The following ZNF404 variants were observed in gnomAD, a reference collection of about 807,000 sequenced individuals.
ZNF404 encodes zinc finger protein 404.
Under a neutral mutation model 7.3 loss-of-function variants are expected in ZNF404, and 7 were observed. The ratio of observed to expected loss-of-function variants is 0.95; its 90% CI spans 0.54 to 1.79. The LOEUF (loss-of-function observed/expected upper bound fraction) is 1.79. ZNF404 is among the 40% of genes most tolerant of loss of function. The pLI, the probability that ZNF404 is intolerant of heterozygous loss-of-function variation, is 0.00. For missense variants in ZNF404, 560 were observed against 661.5 expected (o/e 0.85, Z 1.68); for synonymous variants, 191 against 209.9 (o/e 0.91, Z 0.78).
intron 1 of ZNF404, among the ~76,000 whole-genome samples, chr19:43,883,529 TCAAA>T (rs138282596): frequency 1.3e-5 from 2 of 152,282 alleles, no homozygotes; most frequent in East Asian, 3.9e-4. Context: ...AGATCTCATC[TCAAA>T]CAGACTGAGA....
At chr19:43,882,870 G>A (rs1971908146) in intron 1 of ZNF404, among the ~76,000 whole-genome samples, 1 of 151,994 alleles carries the variant, frequency 6.6e-6, no homozygotes, top group African/African-American at 2.4e-5. Flanking sequence ...AAAGGCTGAG[G>A]TGGGCAGATC....
At position 43,883,961 on chromosome 19, in the gene ZNF404, C is replaced by T; in HGVS notation, c.4G>A (p.Ala2Thr). 6.3e-7 allele frequency: 1 copy of T among 1,599,238 alleles called. No homozygotes were observed. The highest frequency in any genetic ancestry group is 1.1e-5 in the South Asian group (1 of 91,044). ...CAAAAGAGACATCAACTCACCCGGGCCATGGTTTCAGAAATGCTAGTTCTC... is the reference window on the plus strand; with the variant it reads ...CAAAAGAGACATCAACTCACCCGGGTCATGGTTTCAGAAATGCTAGTTCTC... M[A>T]RVPLTFSDVA... Residue 2 changes from alanine to threonine, a missense_variant, in exon 1 of 3, where the codon GCC becomes ACC. Coordinates refer to ENST00000587539, the MANE Select transcript of ZNF404 (RefSeq NM_001033719.3).
In ZNF404 at chr19:43,872,879, T is replaced by C. The variant is rs779090814; in HGVS notation, c.1335A>G (p.Gly445=). 10 of 1,607,526 alleles carry C rather than the reference T, an allele frequency of 6.2e-6. No homozygotes were observed. In the African/African-American group the frequency reaches 1.3e-4, roughly 21 times the overall value. The part of the protein sequence containing the change: ...GEKPYECKEC[G]KTFRLNSQLI... ...GTTGAGAATTAAGTCTAAAGGTTTT[T>C]CCACATTCCTTACATTCATAGGGTT... The change falls in exon 3 of 3, where the codon GGA becomes GGG. Residue 445 remains glycine (G), a synonymous_variant. Coordinates refer to ENST00000587539, the MANE Select transcript of ZNF404 (RefSeq NM_001033719.3). The surrounding 1 kb of genome is among the most constrained non-coding windows in gnomAD (Gnocchi z 4.4).
chr19:43,874,584 A>C lies in ZNF404; in HGVS notation c.137-507T>G, dbSNP rs189786873. ...ATATCTGCTCCCTATATTGTACCACATTGCATCTTTTCAGCTGTGAGAACA... is the reference window on the plus strand; with the variant it reads ...ATATCTGCTCCCTATATTGTACCACCTTGCATCTTTTCAGCTGTGAGAACA... On this transcript the variant is annotated intron_variant, in intron 2 of 2. Transcript: ENST00000587539. Among the ~76,000 whole-genome samples, 257 of 152,246 alleles carry C rather than the reference A, an allele frequency of 1.7e-3. 3 individuals are homozygous for C. Among genetic ancestry groups the C allele is most frequent in the Non-Finnish European group, 5.9e-4 (40 of 67,976 alleles).
chr19:43,877,689 C>T (rs1029238921), intron 2 of ZNF404, among the ~76,000 whole-genome samples: 2 of 146,076 alleles, frequency 1.4e-5, no homozygotes, highest in African/African-American at 5.0e-5. Flanking sequence ...CCCACTAACT[C>T]GTCATCTAGC....
In ZNF404 at chr19:43,873,587, A is replaced by G. The variant is rs373038530; in HGVS notation, c.627T>C (p.His209=). The G allele has an allele frequency of 5.1e-4, 819 of 1,613,680 alleles. 1 individual carries two copies. The highest frequency in any genetic ancestry group is 9.9e-4 in the Middle Eastern group (6 of 6,060). ...TACATTCATAGGGTTTCATACCAGT[A>G]TGAATTATCTGATGCTGAATAAGCT... ...YSQLIQHQII[H]TGMKPYECKQ... is the part of the protein sequence containing the mutation. The change falls in exon 3 of 3, where the codon CAT becomes CAC. Residue 209 remains histidine (H), a synonymous_variant. Transcript: ENST00000587539.
At position 43,873,512 on chromosome 19, in the gene ZNF404, C is replaced by A. The variant is rs1971828507; in HGVS notation, c.702G>T (p.Gln234His). The part of the protein sequence containing the change: ...FRRHSHLTEH[Q>H]KIHVGLKPFE... ...AGGGTTTCAAGCCAACATGAATTTT[C>A]TGATGTTCTGTAAGGTGAGAATGAC... The change falls in exon 3 of 3, where the codon CAG (glutamine) becomes CAT (histidine). Residue 234 changes from glutamine to histidine, a missense_variant. By Grantham distance (24) the Gln-to-His change is conservative (BLOSUM62 0). Transcript: ENST00000587539. The A allele has an allele frequency of 6.2e-7, 1 of 1,613,308 alleles. No homozygotes were observed. The highest frequency in any genetic ancestry group is 1.3e-5 in the African/African-American group (1 of 74,874).
chr19:43,872,756 CTTA>C lies in ZNF404; in HGVS notation c.1455_1457del (p.His485_Lys486delinsGln). The C allele has an allele frequency of 6.2e-7, 1 of 1,612,638 alleles. No individual in the cohort carries two copies. Among genetic ancestry groups the C allele is most frequent in the Non-Finnish European group, 8.5e-7 (1 of 1,179,260 alleles). ...AGGGTTTTTCACCAGTATGAATTCT[CTTA>C]TGTTGAGAAAGACCTGAGATAGAAC... On this transcript the variant is annotated inframe_deletion, in exon 3 of 3. Coordinates refer to ENST00000587539, the MANE Select transcript of ZNF404 (RefSeq NM_001033719.3). This position sits in a 1 kb window ranked among gnomAD's most constrained non-coding sequence, Gnocchi z 4.4.
intron 2 of ZNF404, 88 bp from the exon 3 acceptor site, chr19:43,874,165 A>G: frequency 1.1e-6 from 1 of 927,240 alleles, no homozygotes. Context: ...GTGATAAACT[A>G]AAAAGTGTAT....
At position 43,873,863 on chromosome 19, in the gene ZNF404, G is replaced by C. The variant is rs2146617309; in HGVS notation, c.351C>G (p.Ser117=). ...FSQMIFKKHK[S]LPLHKRNNTR... Reference sequence around the variant, plus strand: ...TGTTATTTCTCTTATGTAGAGGAAGGGATTTATGTTTTTTGAATATCATTT... The same window carrying C: ...TGTTATTTCTCTTATGTAGAGGAAGCGATTTATGTTTTTTGAATATCATTT... The change falls in exon 3 of 3, where the codon TCC becomes TCG. Residue 117 remains serine, a synonymous_variant. Transcript: ENST00000587539. 2.5e-6 allele frequency: 4 copies of C among 1,612,566 alleles called. No individual in the cohort carries two copies. The highest frequency in any genetic ancestry group is 3.4e-6 in the Non-Finnish European group (4 of 1,179,410).
At chr19:43,878,345 A>G (rs1355562169) in intron 2 of ZNF404, among the ~76,000 whole-genome samples, 1 of 151,828 alleles carries the variant, frequency 6.6e-6, no homozygotes, top group East Asian at 1.9e-4. Flanking sequence ...GATGGTGAGC[A>G]TTTTTTCATG....
In ZNF404 at chr19:43,873,174, C is replaced by A; in HGVS notation, c.1040G>T (p.Arg347Ile). The stretch of plus-strand genomic sequence containing the variant: ...ATAGAGTTTCTCACTACTATGAATT[C>A]TCTTATGTTTAAGAAGGCTTGAGCC... ...GKGSSLLKHKRIHSSEKLYDC... is the reference protein window; with the variant it reads ...GKGSSLLKHKIIHSSEKLYDC... Residue 347 changes from arginine (R) to isoleucine (I), a missense_variant, in exon 3 of 3, where the codon AGA (arginine) becomes ATA (isoleucine). Transcript: ENST00000587539. 3 of 1,612,570 alleles carry A rather than the reference C, an allele frequency of 1.9e-6. No homozygotes were observed. Among genetic ancestry groups the A allele is most frequent in the Middle Eastern group, 1.7e-4 (1 of 6,052 alleles).
intron 1 of ZNF404, among the ~76,000 whole-genome samples, chr19:43,882,720 G>GTT (rs144766292): frequency 0.028 from 4,203 of 151,080 alleles, 74 homozygotes; most frequent in Non-Finnish European, 0.045. Context: ...GAGCCCAGGA[G>GTT]TTTGAGGCTG....
intron 2 of ZNF404, among the ~76,000 whole-genome samples, chr19:43,879,413 G>A (rs977028496): frequency 5.3e-5 from 8 of 152,100 alleles, no homozygotes; most frequent in African/African-American, 1.9e-4. Flanking sequence ...TCTAACATAG[G>A]TGTAATTAAA....
At chr19:43,877,629 T>A (rs1599746670) in intron 2 of ZNF404, among the ~76,000 whole-genome samples, 1 of 151,130 alleles carries the variant, frequency 6.6e-6, no homozygotes, top group Admixed American at 6.6e-5. Flanking sequence ...CATGTGCACA[T>A]TGTGCAGGTT....
At chr19:43,883,128 A>G (rs763972534) in intron 1 of ZNF404, among the ~76,000 whole-genome samples, 7 of 152,048 alleles carry the variant, frequency 4.6e-5, no homozygotes, top group Admixed American at 1.3e-4. Flanking sequence ...TCAAGTGACA[A>G]GCACCCTCTT....
At chr19:43,882,546 A>C (rs1599748174) in intron 1 of ZNF404, among the ~76,000 whole-genome samples, 1 of 152,108 alleles carries the variant, frequency 6.6e-6, no homozygotes, top group Non-Finnish European at 1.5e-5. Flanking sequence ...CAGAAATGGA[A>C]CTCTCATACA....
At chr19:43,874,433 C>T (rs905054784) in intron 2 of ZNF404, among the ~76,000 whole-genome samples, 1 of 142,494 alleles carries the variant, frequency 7.0e-6, no homozygotes, top group Non-Finnish European at 1.5e-5. Flanking sequence ...ATCTCTATTC[C>T]TAACATTATC....
chr19:43,873,210 G>A lies in ZNF404; in HGVS notation c.1004C>T (p.Ala335Val). The change falls in exon 3 of 3, where the codon GCT (alanine) becomes GTT (valine). Residue 335 changes from alanine (A) to valine (V), a missense_variant. Coordinates refer to ENST00000587539, the MANE Select transcript of ZNF404 (RefSeq NM_001033719.3). Reference protein sequence around the residue: ...KPHECMECGKAFGKGSSLLKH... With the variant: ...KPHECMECGKVFGKGSSLLKH... ...AAGAAGGCTTGAGCCCTTACCAAAAGCCTTTCCACATTCCATGCATTCATG... is the reference window on the plus strand; with the variant it reads ...AAGAAGGCTTGAGCCCTTACCAAAAACCTTTCCACATTCCATGCATTCATG... 1 of 1,613,528 alleles carries A rather than the reference G, an allele frequency of 6.2e-7. No individual in the cohort carries two copies. The highest frequency in any genetic ancestry group is 8.5e-7 in the Non-Finnish European group (1 of 1,179,588).
Sources: allele counts gnomAD v4.1 joint callset (sites outside exome capture counted in the v4.1 genomes callset), GRCh38; gene constraint gnomAD v4.1.1; non-coding constraint Gnocchi (gnomAD v3.1); transcripts MANE v1.5; gene names NCBI Gene and HGNC (gene_info 2026-07-23, HGNC 2026-07-21).